RASA2: variants seen among roughly 807,000 people sequenced by gnomAD.
RASA2 encodes ras GTPase-activating protein 2.
In RASA2, 155 loss-of-function variants were observed where a neutral mutation model predicts 118.2. The observed-to-expected ratio is 1.31, with a 90% CI of 1.15 to 1.50. The LOEUF is 1.50. RASA2 is among the 40% of genes most tolerant of loss of function. The pLI is 0.00. For missense variants in RASA2, 1,016 were observed against 1,009.6 expected, an observed-to-expected ratio of 1.01 and a Z score of -0.09; for synonymous variants, 353 against 349.1, an observed-to-expected ratio of 1.01 and a Z score of -0.12.
intron 3 of RASA2, among the ~76,000 whole-genome samples, chr3:141,520,246 C>T (rs559678651): frequency 1.3e-5 from 2 of 152,050 alleles, no homozygotes; most frequent in South Asian, 2.1e-4. Context: ...CTCCTGACCT[C>T]GTGATCTGCC....
chr3:141,509,552 A>AT (rs1025745630), intron 1 of RASA2, among the ~76,000 whole-genome samples: 3 of 152,302 alleles, frequency 2.0e-5, no homozygotes, highest in Admixed American at 1.3e-4. Flanking sequence ...CTAATTCCAA[A>AT]TTTTTTATAT....
chr3:141,522,779 G>A (rs1195685834), intron 3 of RASA2, among the ~76,000 whole-genome samples: 1 of 152,116 alleles, frequency 6.6e-6, no homozygotes, highest in Non-Finnish European at 1.5e-5. Flanking sequence ...TCCCATTCTT[G>A]CAGGAAACTC....
chr3:141,499,818 C>T (rs1022181187), intron 1 of RASA2, among the ~76,000 whole-genome samples: 2 of 152,144 alleles, frequency 1.3e-5, no homozygotes, highest in Non-Finnish European at 2.9e-5. Flanking sequence ...AGGATGGTCT[C>T]GATCTCCTGA....
intron 1 of RASA2, among the ~76,000 whole-genome samples, chr3:141,511,455 C>T (rs977555938): frequency 3.3e-5 from 5 of 151,982 alleles, no homozygotes; most frequent in Admixed American, 6.6e-5. Flanking sequence ...GAGCCAGTGA[C>T]GTAGGAGAAA....
intron 5 of RASA2, among the ~76,000 whole-genome samples, chr3:141,548,037 C>G (rs900088714): frequency 2.6e-5 from 4 of 152,214 alleles, no homozygotes; most frequent in African/African-American, 9.7e-5. Flanking sequence ...ACAAATCCCA[C>G]TTGGTCATGA....
chr3:141,517,744 C>T lies in RASA2; in HGVS notation c.355+1313C>T, dbSNP rs1577670982. ...TCTCAGCTCACTGCAAGCTCCGCCT[C>T]CTGGGTTCACGCCATTCTCCTGCCA... On this transcript the variant is annotated intron_variant, in intron 3 of 23. Transcript: ENST00000286364. Among the ~76,000 whole-genome samples the T allele has an allele frequency of 2.6e-5, 4 of 152,260 alleles. No homozygotes were observed. In the South Asian group the frequency reaches 6.2e-4, roughly 24 times the overall value.
At chr3:141,556,315 G>C (rs530133032) in intron 7 of RASA2, among the ~76,000 whole-genome samples, 1 of 151,608 alleles carries the variant, frequency 6.6e-6, no homozygotes, top group Admixed American at 6.5e-5. Context: ...CAAGTTGACT[G>C]AAAGAGTCAC....
rs3075070 is a variant in RASA2, at chr3:141,490,335, C to CA, written c.133+3141dup. On this transcript the variant is annotated intron_variant, in intron 1 of 23. Coordinates refer to ENST00000286364, the MANE Select transcript of RASA2 (RefSeq NM_006506.5). ...ACATTTGCATGCTCCCTCCTCCCCT[C>CA]AAAAAAAAAAAAAAAAAAAAAACCG... is the stretch of plus-strand genomic sequence containing the variant. Among the ~76,000 whole-genome samples the CA allele has an allele frequency of 1.0e-2, 933 of 93,458 alleles. 9 individuals are homozygous for CA. The highest frequency in any genetic ancestry group is 0.021 in the Middle Eastern group (4 of 192). The allele number at this position is 93,458 out of a possible 152,430, so 61.3% of individuals were successfully genotyped here. A position where few individuals can be genotyped will look rare whatever the true frequency, so the allele number is the denominator to read the frequency against.
intron 9 of RASA2, among the ~76,000 whole-genome samples, chr3:141,563,327 C>T (rs2082766459): frequency 6.6e-6 from 1 of 152,020 alleles, no homozygotes; most frequent in African/African-American, 2.4e-5. Flanking sequence ...CTTAGAAATG[C>T]CAGATAGTCC....
chr3:141,554,100 T>C (rs1234164011), intron 6 of RASA2, among the ~76,000 whole-genome samples, 160 bp downstream of exon 6: 1 of 152,192 alleles, frequency 6.6e-6, no homozygotes, highest in African/African-American at 2.4e-5. Flanking sequence ...TATACACTTG[T>C]CAATAACAAA....
intron 4 of RASA2, among the ~76,000 whole-genome samples, chr3:141,532,823 T>C (rs1016384375): frequency 1.3e-5 from 2 of 152,168 alleles, no homozygotes; most frequent in African/African-American, 4.8e-5. Context: ...ACATGGAAAC[T>C]GAGACCCACT....
intron 3 of RASA2, among the ~76,000 whole-genome samples, chr3:141,521,762 T>C (rs2082114250): frequency 6.6e-6 from 1 of 152,174 alleles, no homozygotes; most frequent in Admixed American, 6.5e-5. Flanking sequence ...AAAATTCTTT[T>C]TCCTTTTGCA....
chr3:141,509,181 A>T (rs2081912942), intron 1 of RASA2, among the ~76,000 whole-genome samples: 1 of 152,248 alleles, frequency 6.6e-6, no homozygotes, highest in Non-Finnish European at 1.5e-5. Flanking sequence ...AACAAAGTTT[A>T]TTTGAACTTC....
Position 141,553,861 on chromosome 3 carries a change from A to C in RASA2, c.532A>C (p.Lys178Gln). 1 of 1,610,940 alleles carries C rather than the reference A, an allele frequency of 6.2e-7. No individual in the cohort carries two copies. Among genetic ancestry groups the C allele is most frequent in the South Asian group, 1.1e-5 (1 of 90,438 alleles). Residue 178 changes from lysine (K) to glutamine (Q), a missense_variant, in exon 6 of 24, where the codon AAG becomes CAG. Physicochemically the swap from Lys to Gln is moderately conservative, Grantham distance 53. This residue lies in a region of RASA2 where 896 missense variants were observed against 836.4 expected (regional missense o/e 1.07). Coordinates refer to ENST00000286364, the MANE Select transcript of RASA2 (RefSeq NM_006506.5). Reference protein sequence around the residue: ...TVCQQLVVHIKACHGLPLING... With the variant: ...TVCQQLVVHIQACHGLPLING... The stretch of plus-strand genomic sequence containing the variant: ...ATCTCTTTTATTCTACCTTAGCATC[A>C]AGGCATGCCATGGGTTGCCTCTCAT...
At chr3:141,520,542 A>AGTGTGT (rs34101510) in intron 3 of RASA2, among the ~76,000 whole-genome samples, 2 of 150,700 alleles carry the variant, frequency 1.3e-5, no homozygotes, top group Non-Finnish European at 3.0e-5. Flanking sequence ...ATATAACTGG[A>AGTGTGT]GTGTGTGTGT....
At chr3:141,602,359 A>G (rs2083477667) in intron 19 of RASA2, among the ~76,000 whole-genome samples, 2 of 152,130 alleles carry the variant, frequency 1.3e-5, no homozygotes, top group African/African-American at 2.4e-5. Flanking sequence ...GGAGTGCACA[A>G]CCTAGATCTG....
intron 5 of RASA2, among the ~76,000 whole-genome samples, chr3:141,553,175 G>A (rs1014498927): frequency 2.1e-4 from 32 of 152,264 alleles, no homozygotes; most frequent in African/African-American, 7.7e-4. Context: ...ATTTTTAAGT[G>A]GAAGCTGCAG....
At chr3:141,498,768 G>T (rs1315213404) in intron 1 of RASA2, among the ~76,000 whole-genome samples, 2 of 152,136 alleles carry the variant, frequency 1.3e-5, no homozygotes, top group Non-Finnish European at 1.5e-5. Context: ...AGTTCTGCCA[G>T]CACCTGGCTT....
intron 12 of RASA2, 43 bp from the exon 13 acceptor site, chr3:141,573,104 A>G (rs1397720588): frequency 6.8e-7 from 1 of 1,462,506 alleles, no homozygotes; most frequent in Non-Finnish European, 9.2e-7. Context: ...ATTTTGTCAG[A>G]CTACTTAGAA....
Sources: gnomAD v4.1 joint callset for allele counts (sites outside exome capture counted in the v4.1 genomes callset) on GRCh38, gnomAD v4.1.1 for gene constraint, gnomAD v4.1.1 regional missense constraint, MANE v1.5 for transcripts, NCBI Gene and HGNC (gene_info 2026-07-23, HGNC 2026-07-21) for gene names.